ACOT4: variants seen among roughly 807,000 people sequenced by gnomAD.
The protein encoded by ACOT4 is peroxisomal succinyl-coenzyme A thioesterase.
ACOT4 carries 18 observed loss-of-function variants against 17.1 expected under a neutral mutation model. That is an observed-to-expected ratio of 1.05 (90% CI 0.73 to 1.56). The LOEUF (loss-of-function observed/expected upper bound fraction) is 1.56. Ranked by LOEUF, ACOT4 falls within the 40% of genes most tolerant of loss-of-function variation. The pLI, the probability that ACOT4 is intolerant of heterozygous loss-of-function variation, is 0.00. For synonymous variants in ACOT4, 234 were observed against 236.6 expected (o/e 0.99, Z 0.10); for missense variants, 574 against 557.2 (o/e 1.03, Z -0.30).
In ACOT4 at chr14:73,595,423, T is replaced by C; in HGVS notation, c.1035T>C (p.His345=). 1 of 1,614,166 alleles carries C rather than the reference T, an allele frequency of 6.2e-7. No homozygotes were observed. The change falls in exon 3 of 3, where the codon CAT becomes CAC. Residue 345 remains histidine, a synonymous_variant. Coordinates refer to ENST00000326303, the MANE Select transcript of ACOT4 (RefSeq NM_152331.4). ...CAGTCTCTGAACGGTTACAGGCCCA[T>C]GGAAAGGAAAAACCCCAGATCATCT... ...AQTVSERLQA[H]GKEKPQIICY... is the part of the protein sequence containing the mutation.
rs752235433 is a variant in ACOT4 at position 73,595,382 on chromosome 14, G to GAGTT, written c.995_998dup (p.Tyr334ValfsTer8). On this transcript the variant is annotated frameshift_variant, in exon 3 of 3. Coordinates refer to ENST00000326303, the MANE Select transcript of ACOT4 (RefSeq NM_152331.4). LOFTEE classifies it low-confidence loss of function (END_TRUNC). ...TCAGGATGACCATAACTGGAGAAGT[G>GAGTT]AGTTGTATGCCCAAACAGTCTCTGA... 2 of 1,614,244 alleles carry GAGTT rather than the reference G, an allele frequency of 1.2e-6. No homozygotes were observed. The highest frequency in any genetic ancestry group is 1.7e-6 in the Non-Finnish European group (2 of 1,180,046).
intron 1 of ACOT4, among the ~76,000 whole-genome samples, chr14:73,592,760 C>G (rs184205771): frequency 5.9e-5 from 9 of 152,092 alleles, no homozygotes; most frequent in Admixed American, 5.9e-4. Context: ...GGCTGAGGCA[C>G]GAGAATCGCT....
chr14:73,595,671 T>C lies in ACOT4; in HGVS notation c.*17T>C. 2.0e-6 allele frequency: 3 copies of C among 1,511,128 alleles called. No individual in the cohort carries two copies. Among genetic ancestry groups the C allele is most frequent in the Non-Finnish European group, 2.7e-6 (3 of 1,130,666 alleles). 93.6% of individuals were successfully genotyped at this position (1,511,128 alleles called of 1,614,324 possible). A position where few individuals can be genotyped will look rare whatever the true frequency, so the allele number is the denominator to read the frequency against. On this transcript the variant is annotated 3_prime_UTR_variant, in exon 3 of 3. Transcript: ENST00000326303. ...AAATTGTAATGCATTTGTCTGTTGT[T>C]GACATGAGAGATTCAAGATCAGATT...
chr14:73,592,558 A>ATTTTGG, intron 1 of ACOT4, 142 bp downstream of exon 1: 2 of 1,078,574 alleles, frequency 1.9e-6, no homozygotes, highest in Non-Finnish European at 2.6e-6. Context: ...CTCTACCAAA[A>ATTTTGG]TAGAGGGTTT....
At position 73,592,334 on chromosome 14, in the gene ACOT4, C is replaced by G. The variant is rs757875410; in HGVS notation, c.375C>G (p.His125Gln). Residue 125 changes from histidine to glutamine, a missense_variant, in exon 1 of 3, where the codon CAC becomes CAG. His to Gln is a conservative substitution (Grantham distance 24). Transcript: ENST00000326303. ...GACGGCTGCTGTGCCAGGCGCAGCA[C>G]GAGCGCCACTTCCTCCCGCCAGGGG... Reference protein sequence around the residue: ...EPGRLLCQAQHERHFLPPGVR... With the variant: ...EPGRLLCQAQQERHFLPPGVR... The G allele has an allele frequency of 5.0e-6, 8 of 1,604,714 alleles. No homozygotes were observed. The highest frequency in any genetic ancestry group is 6.8e-6 in the Non-Finnish European group (8 of 1,176,254).
Position 73,592,387 on chromosome 14 carries a change from G to A in ACOT4, c.428G>A (p.Arg143Gln), listed in dbSNP as rs1438881265. The A allele has an allele frequency of 1.3e-6, 2 of 1,551,922 alleles. No individual in the cohort carries two copies. The highest frequency in any genetic ancestry group is 1.4e-5 in the African/African-American group (1 of 72,718). The stretch of plus-strand genomic sequence containing the variant: ...CGGCGCCAGTCGGTGCGAGCGGGCC[G>A]GGTGCGCGCCACGCTCTTCCTGCCG... ...GVRRQSVRAGRVRATLFLPPG... is the reference protein window; with the variant it reads ...GVRRQSVRAGQVRATLFLPPG... Residue 143 changes from arginine (R) to glutamine (Q), a missense_variant, in exon 1 of 3, where the codon CGG becomes CAG. Arg to Gln is a conservative substitution (Grantham distance 43, BLOSUM62 1). Coordinates refer to ENST00000326303, the MANE Select transcript of ACOT4 (RefSeq NM_152331.4).
Position 73,593,770 on chromosome 14 carries a change from A to G in ACOT4, c.526A>G (p.Ser176Gly). The change falls in exon 2 of 3, where the codon AGC (serine) becomes GGC (glycine). Residue 176 changes from serine to glycine, a missense_variant. Physicochemically the swap from Ser to Gly is moderately conservative, Grantham distance 56. Transcript: ENST00000326303. ...AGGGGGCCTCTTGGAATATCGAGCC[A>G]GCCTCCTTGCTGGCCATGGCTTTGC... ...IGGGLLEYRA[S>G]LLAGHGFATL... is the part of the protein sequence containing the mutation. The G allele has an allele frequency of 6.2e-7, 1 of 1,614,012 alleles. No homozygotes were observed. Among genetic ancestry groups the G allele is most frequent in the Non-Finnish European group, 8.5e-7 (1 of 1,179,922 alleles).
chr14:73,592,271 G>A lies in ACOT4; in HGVS notation c.312G>A (p.Val104=), dbSNP rs1418463641. The part of the protein sequence containing the change: ...LKRDVQIPFV[V]ELEVLDGHDP... Reference sequence around the variant, plus strand: ...GGGACGTACAGATTCCTTTTGTCGTGGAGTTGGAGGTGCTGGACGGCCACG... The same window carrying A: ...GGGACGTACAGATTCCTTTTGTCGTAGAGTTGGAGGTGCTGGACGGCCACG... The change falls in exon 1 of 3, where the codon GTG becomes GTA. Residue 104 remains valine, a synonymous_variant. Transcript: ENST00000326303. 1.2e-6 allele frequency: 2 copies of A among 1,612,862 alleles called. No individual in the cohort carries two copies. The highest frequency in any genetic ancestry group is 1.7e-6 in the Non-Finnish European group (2 of 1,179,428).
Position 73,591,945 on chromosome 14 carries a change from C to G in ACOT4, c.-15C>G. ...CTCGGGCCTCGACCTTTGAATTCCC[C>G]GCTCCGGCTCCAAGATGTCAGCAAC... On this transcript the variant is annotated 5_prime_UTR_variant, in exon 1 of 3. Transcript: ENST00000326303. 7.3e-7 allele frequency: 1 copy of G among 1,362,674 alleles called. No homozygotes were observed. The highest frequency in any genetic ancestry group is 9.5e-7 in the Non-Finnish European group (1 of 1,056,576). The allele number at this position is 1,362,674 out of a possible 1,614,324, so 84.4% of individuals were successfully genotyped here.
chr14:73,592,746 G>A (rs11159028), intron 1 of ACOT4, among the ~76,000 whole-genome samples: 22,372 of 152,120 alleles, frequency 0.15, 2,215 homozygotes, highest in Non-Finnish European at 0.22. Context: ...CCAGCCACTC[G>A]GGAGGCTGAG....
rs1379028010 is a variant in ACOT4 at position 73,595,494 on chromosome 14, T to C, written c.1106T>C (p.Leu369Pro). ...TACATCGAGCCTCCTTACTTCCCCC[T>C]GTGCCCAGCTTCCCTTCACAGATTA... Reference protein sequence around the residue: ...GHYIEPPYFPLCPASLHRLLN... With the variant: ...GHYIEPPYFPPCPASLHRLLN... Residue 369 changes from leucine (L) to proline (P), a missense_variant, in exon 3 of 3, where the codon CTG becomes CCG. Leu to Pro is a moderately conservative substitution (Grantham distance 98). Coordinates refer to ENST00000326303, the MANE Select transcript of ACOT4 (RefSeq NM_152331.4). The C allele has an allele frequency of 3.7e-6, 6 of 1,613,756 alleles. No homozygotes were observed. The highest frequency in any genetic ancestry group is 5.1e-6 in the Non-Finnish European group (6 of 1,179,794).
rs564682071 is a variant in ACOT4, at chr14:73,595,581, C to G, written c.1193C>G (p.Ala398Gly). ...PRAHSKAQEDAWKQILAFFCK... is the reference protein window; with the variant it reads ...PRAHSKAQEDGWKQILAFFCK... ...GCTCATTCTAAGGCCCAGGAAGATG[C>G]CTGGAAGCAAATTCTAGCCTTCTTC... The change falls in exon 3 of 3, where the codon GCC becomes GGC. Residue 398 changes from alanine to glycine, a missense_variant. By Grantham distance (60) the Ala-to-Gly change is moderately conservative. Transcript: ENST00000326303. 3 of 1,575,702 alleles carry G rather than the reference C, an allele frequency of 1.9e-6. No individual in the cohort carries two copies. In the East Asian group the frequency reaches 6.8e-5, roughly 36 times the overall value.
In ACOT4 at chr14:73,591,916, G is replaced by A; in HGVS notation, c.-44G>A. 7.4e-7 allele frequency: 1 copy of A among 1,344,252 alleles called. No homozygotes were observed. Among genetic ancestry groups the A allele is most frequent in the Non-Finnish European group, 9.6e-7 (1 of 1,045,620 alleles). The allele number at this position is 1,344,252 out of a possible 1,614,324, so 83.3% of individuals were successfully genotyped here. On this transcript the variant is annotated 5_prime_UTR_variant, in exon 1 of 3. Coordinates refer to ENST00000326303, the MANE Select transcript of ACOT4 (RefSeq NM_152331.4). The stretch of plus-strand genomic sequence containing the variant: ...CGGCGCGCTTGCCACGATCTTGGAC[G>A]GGTCTCGGGCCTCGACCTTTGAATT...
chr14:73,594,545 G>A (rs999686798), intron 2 of ACOT4, among the ~76,000 whole-genome samples: 1 of 152,120 alleles, frequency 6.6e-6, no homozygotes, highest in Non-Finnish European at 1.5e-5. Context: ...CATGTGTTCA[G>A]CCAGATATTC....
chr14:73,591,882 C>T lies in ACOT4; in HGVS notation c.-78C>T. ...GGCACCAGGGGACGCCGGACGCCGT[C>T]CGGACATTCGGCGCGCTTGCCACGA... On this transcript the variant is annotated 5_prime_UTR_variant, in exon 1 of 3. Transcript: ENST00000326303. 1 of 1,299,760 alleles carries T rather than the reference C, an allele frequency of 7.7e-7. No homozygotes were observed. The highest frequency in any genetic ancestry group is 1.6e-5 in the African/African-American group (1 of 64,266). The allele number at this position is 1,299,760 out of a possible 1,614,324, so 80.5% of individuals were successfully genotyped here.
rs1040746752 is a variant in ACOT4, at chr14:73,592,013, G to A, written c.54G>A (p.Pro18=). The A allele has an allele frequency of 4.5e-5, 64 of 1,433,840 alleles. No individual in the cohort carries two copies. Among genetic ancestry groups the A allele is most frequent in the Admixed American group, 2.3e-4 (7 of 30,344 alleles). 88.8% of individuals were successfully genotyped at this position (1,433,840 alleles called of 1,614,324 possible). The change falls in exon 1 of 3, where the codon CCG becomes CCA. Residue 18 remains proline (P), a synonymous_variant. Coordinates refer to ENST00000326303, the MANE Select transcript of ACOT4 (RefSeq NM_152331.4). ...CAGGCCGCTGCTGCTGGAACGAGCC[G>A]GTGCGCATTGCCGTGCGCGGCCTGG... The part of the protein sequence containing the change: ...EPPGRCCWNE[P]VRIAVRGLAP...
Position 73,595,450 on chromosome 14 carries a change from T to C in ACOT4, c.1062T>C (p.Cys354=). 6.2e-7 allele frequency: 1 copy of C among 1,614,192 alleles called. No individual in the cohort carries two copies. The highest frequency in any genetic ancestry group is 2.2e-5 in the East Asian group (1 of 44,882). The part of the protein sequence containing the change: ...AHGKEKPQII[C]YPGTGHYIEP... ...GAAAGGAAAAACCCCAGATCATCTGTTACCCTGGGACTGGGCATTACATCG... is the reference window on the plus strand; with the variant it reads ...GAAAGGAAAAACCCCAGATCATCTGCTACCCTGGGACTGGGCATTACATCG... The change falls in exon 3 of 3, where the codon TGT becomes TGC. Residue 354 remains cysteine (C), a synonymous_variant. Coordinates refer to ENST00000326303, the MANE Select transcript of ACOT4 (RefSeq NM_152331.4).
chr14:73,595,001 A>G (rs1890221500), intron 2 of ACOT4, 48 bp from the exon 3 acceptor site: 1 of 1,598,614 alleles, frequency 6.3e-7, no homozygotes. Context: ...CACCGCACCC[A>G]ATCTGGATAA....
At position 73,593,810 on chromosome 14, in the gene ACOT4, C is replaced by T. The variant is rs77261428; in HGVS notation, c.566C>T (p.Ala189Val). 1 of 1,073,238 alleles carries T rather than the reference C, an allele frequency of 9.3e-7. No individual in the cohort carries two copies. Among genetic ancestry groups the T allele is most frequent in the Non-Finnish European group, 1.4e-6 (1 of 724,364 alleles). 66.5% of individuals were successfully genotyped at this position (1,073,238 alleles called of 1,614,324 possible). A position where few individuals can be genotyped will look rare whatever the true frequency, so the allele number is the denominator to read the frequency against. Reference protein sequence around the residue: ...AGHGFATLALAYYNFEDLPNN... With the variant: ...AGHGFATLALVYYNFEDLPNN... ...CATGGCTTTGCCACGTTGGCTCTAG[C>T]TTATTATAACTTTGAAGATCTCCCC... is the stretch of plus-strand genomic sequence containing the variant. The change falls in exon 2 of 3, where the codon GCT (alanine) becomes GTT (valine). Residue 189 changes from alanine (A) to valine (V), a missense_variant. By Grantham distance (64) the Ala-to-Val change is moderately conservative (BLOSUM62 0). Transcript: ENST00000326303.
Sources: gnomAD v4.1 joint callset for allele counts (sites outside exome capture counted in the v4.1 genomes callset) on GRCh38, gnomAD v4.1.1 for gene constraint, MANE v1.5 for transcripts, NCBI Gene and HGNC (gene_info 2026-07-23, HGNC 2026-07-21) for gene names.